Variants in PPM1L observed in about 807,000 individuals in gnomAD.
The protein encoded by PPM1L is protein phosphatase, Mg2+/Mn2+ dependent 1L.
Under a neutral mutation model 31.4 loss-of-function variants are expected in PPM1L, and 13 were observed. The observed-to-expected ratio is 0.41, with a 90% CI of 0.27 to 0.66. The LOEUF is 0.66. PPM1L is among the 30% of genes least tolerant of loss of function. PPM1L has a pLI of 0.29. For synonymous variants in PPM1L, 184 were observed against 175.4 expected (o/e 1.05, Z -0.39); for missense variants, 326 against 453.7 (o/e 0.72, Z 2.56).
intron 1 of PPM1L, among the ~76,000 whole-genome samples, chr3:160,955,270 C>G (rs947799686): frequency 6.6e-6 from 1 of 152,052 alleles, no homozygotes; most frequent in Non-Finnish European, 1.5e-5. Flanking sequence ...CTCGGCCTCC[C>G]AAAGTGCTGT....
chr3:160,817,322 G>A (rs1394481637), intron 1 of PPM1L, among the ~76,000 whole-genome samples: 1 of 152,092 alleles, frequency 6.6e-6, no homozygotes, highest in Non-Finnish European at 1.5e-5. Flanking sequence ...CATGATTGAT[G>A]TCAGAGGCGG....
intron 2 of PPM1L, among the ~76,000 whole-genome samples, chr3:160,977,830 CTT>C (rs1211454020): frequency 2.0e-5 from 3 of 152,118 alleles, no homozygotes. Flanking sequence ...AACCTAATGA[CTT>C]ATAAAGTTCT....
At chr3:160,913,952 G>C (rs1434703451) in intron 1 of PPM1L, among the ~76,000 whole-genome samples, 1 of 152,124 alleles carries the variant, frequency 6.6e-6, no homozygotes, top group Non-Finnish European at 1.5e-5. Context: ...GAATAGGAGT[G>C]GGATTGCTAG....
chr3:160,879,530 A>G (rs1712632529), intron 1 of PPM1L, among the ~76,000 whole-genome samples: 1 of 152,168 alleles, frequency 6.6e-6, no homozygotes. Flanking sequence ...ATGGACAGCA[A>G]AGAGGACAAG....
chr3:160,983,725 C>T (rs757553927), intron 2 of PPM1L, among the ~76,000 whole-genome samples: 7 of 152,118 alleles, frequency 4.6e-5, no homozygotes, highest in East Asian at 1.9e-4. Flanking sequence ...GATAATTCTT[C>T]GTGGGTTCTT....
intron 1 of PPM1L, among the ~76,000 whole-genome samples, chr3:160,948,340 C>T (rs1195741391): frequency 6.7e-6 from 1 of 149,928 alleles, no homozygotes; most frequent in Non-Finnish European, 1.5e-5. Flanking sequence ...AAATAAGATA[C>T]CCTTTCAAAC....
chr3:160,948,017 GAAGCAGTAAT>G (rs1715463239), intron 1 of PPM1L, among the ~76,000 whole-genome samples: 1 of 152,074 alleles, frequency 6.6e-6, no homozygotes, highest in South Asian at 2.1e-4. Context: ...TTACTTTATA[GAAGCAGTAAT>G]GTTAATATAA....
chr3:160,826,612 G>A (rs1713362499), intron 1 of PPM1L, among the ~76,000 whole-genome samples: 1 of 152,050 alleles, frequency 6.6e-6, no homozygotes, highest in African/African-American at 2.4e-5. Flanking sequence ...ATTTTTTAAG[G>A]TAATGTGATT....
intron 1 of PPM1L, among the ~76,000 whole-genome samples, chr3:160,912,245 C>T (rs1332952398): frequency 6.6e-6 from 1 of 152,164 alleles, no homozygotes; most frequent in Non-Finnish European, 1.5e-5. Context: ...GTACTTCAGG[C>T]AAATTATTAT....
At chr3:161,066,135 G>A (rs1274259581) in intron 3 of PPM1L, among the ~76,000 whole-genome samples, 1 of 152,156 alleles carries the variant, frequency 6.6e-6, no homozygotes, top group African/African-American at 2.4e-5. Context: ...TTGCCTTCCT[G>A]TCACCTCTTT....
chr3:161,006,159 A>G (rs1717697597), intron 2 of PPM1L, among the ~76,000 whole-genome samples: 1 of 152,240 alleles, frequency 6.6e-6, no homozygotes, highest in African/African-American at 2.4e-5. Flanking sequence ...CATACAATGG[A>G]ACATTATTTA....
chr3:160,782,296 G>T (rs1249357778), intron 1 of PPM1L, among the ~76,000 whole-genome samples: 2 of 152,034 alleles, frequency 1.3e-5, no homozygotes, highest in Non-Finnish European at 2.9e-5. Flanking sequence ...TTGTTCTAAG[G>T]TTGATGGAGG....
At chr3:160,939,265 A>G (rs13098529) in intron 1 of PPM1L, among the ~76,000 whole-genome samples, 53,706 of 151,896 alleles carry the variant, frequency 0.35, 9,618 homozygotes, top group East Asian at 0.47. Context: ...CTCCAGCTCT[A>G]TAACTCTGCA....
At chr3:160,901,945 T>G (rs1713558269) in intron 1 of PPM1L, among the ~76,000 whole-genome samples, 2 of 152,140 alleles carry the variant, frequency 1.3e-5, no homozygotes, top group African/African-American at 4.8e-5. Context: ...AAAAAAATCC[T>G]TTTAAATTTC....
At chr3:160,807,711 AATG>A (rs1712644794) in intron 1 of PPM1L, among the ~76,000 whole-genome samples, 1 of 152,192 alleles carries the variant, frequency 6.6e-6, no homozygotes, top group South Asian at 2.1e-4. Flanking sequence ...CAGGAAAAAA[AATG>A]AAAATAGTGA....
At chr3:160,995,631 C>CT (rs537416854) in intron 2 of PPM1L, among the ~76,000 whole-genome samples, 1 of 151,968 alleles carries the variant, frequency 6.6e-6, no homozygotes, top group Non-Finnish European at 1.5e-5. Context: ...CAGGTAGAGA[C>CT]TTTTTTTAAG....
chr3:160,842,620 A>G (rs1047795549), intron 1 of PPM1L, among the ~76,000 whole-genome samples: 12 of 152,200 alleles, frequency 7.9e-5, no homozygotes, highest in Admixed American at 7.2e-4. Context: ...GGAAGAAGTT[A>G]GCTGCTTAAT....
At chr3:160,808,296 T>A (rs1712669669) in intron 1 of PPM1L, among the ~76,000 whole-genome samples, 1 of 148,808 alleles carries the variant, frequency 6.7e-6, no homozygotes, top group Non-Finnish European at 1.5e-5. Context: ...CCTCTGTGTG[T>A]GTGTGTGTGT....
chr3:160,825,229 A>T (rs190621550), intron 1 of PPM1L, among the ~76,000 whole-genome samples: 1 of 152,120 alleles, frequency 6.6e-6, no homozygotes, highest in African/African-American at 2.4e-5. Flanking sequence ...ACATTTTGCA[A>T]TTGAAATTTG....
Sources: gnomAD v4.1 joint callset for allele counts (sites outside exome capture counted in the v4.1 genomes callset) on GRCh38, gnomAD v4.1.1 for gene constraint, MANE v1.5 for transcripts, NCBI Gene and HGNC (gene_info 2026-07-23, HGNC 2026-07-21) for gene names.